Variants in RBPJ observed in about 807,000 individuals in gnomAD.
The protein encoded by RBPJ is recombination signal binding protein for immunoglobulin kappa J region.
RBPJ carries 9 observed loss-of-function variants against 67.8 expected under a neutral mutation model. The ratio of observed to expected loss-of-function variants is 0.13; its 90% CI spans 0.08 to 0.23. RBPJ has a LOEUF of 0.23. RBPJ is among the 10% of genes least tolerant of loss of function. The probability of loss-of-function intolerance (pLI) is 1.00; values close to 1 mark genes in which losing one functional copy is unlikely to be tolerated. For synonymous variants in RBPJ, 198 were observed against 203.3 expected, an observed-to-expected ratio of 0.97 and a Z score of 0.22; for missense variants, 305 against 595.6, an observed-to-expected ratio of 0.51 and a Z score of 5.08.
chr4:26,397,113 G>A (rs1047792538), intron 2 of RBPJ, among the ~76,000 whole-genome samples: 1 of 152,134 alleles, frequency 6.6e-6, no homozygotes, highest in Non-Finnish European at 1.5e-5. Context: ...TTTGCTTAAG[G>A]TTCTGAGTAG....
chr4:26,353,188 G>C (rs1437483073), intron 1 of RBPJ, among the ~76,000 whole-genome samples: 2 of 152,134 alleles, frequency 1.3e-5, no homozygotes, highest in Non-Finnish European at 2.9e-5. Flanking sequence ...ATTTCCAGTT[G>C]CTTCAAAACA....
rs918440234 is a variant in RBPJ at position 26,432,937 on chromosome 4, GTAAA to G, written c.*1933_*1936del. ...CACTCTATGCTCAGACTATGCCACT[GTAAA>G]TATTCTTCCTAACATCTTTAAATCG... On this transcript the variant is annotated 3_prime_UTR_variant, in exon 11 of 11. Transcript: ENST00000355476. 1.4e-4 allele frequency: 22 copies of G among 152,072 alleles called. No homozygotes were observed. Among genetic ancestry groups the G allele is most frequent in the African/African-American group, 5.3e-4 (22 of 41,390 alleles). The allele number at this position is 152,072 out of a possible 1,614,324, so 9.4% of individuals were successfully genotyped here. A position where few individuals can be genotyped will look rare whatever the true frequency, so the allele number is the denominator to read the frequency against.
chr4:26,193,540 C>T (rs1717645255), intron 1 of RBPJ, among the ~76,000 whole-genome samples: 1 of 151,812 alleles, frequency 6.6e-6, no homozygotes, highest in African/African-American at 2.4e-5. Flanking sequence ...GAACATTTTC[C>T]ACTGGGTTTG....
At chr4:26,144,267 CTTTTTTT>C in the RBPJ span, among the ~76,000 whole-genome samples, 1 of 106,064 alleles carries the variant, frequency 9.4e-6, no homozygotes, top group East Asian at 2.9e-4. Flanking sequence ...TAAGAAAATT[CTTTTTTT>C]TTTTTTTTTT....
chr4:26,400,506 CTT>C (rs34214375), intron 2 of RBPJ, among the ~76,000 whole-genome samples: 76,058 of 151,870 alleles, frequency 0.5, 20,136 homozygotes, highest in Admixed American at 0.62. Context: ...ATTTGACAGG[CTT>C]TTTACTATTT....
chr4:26,196,794 C>G (rs879259604), intron 1 of RBPJ, among the ~76,000 whole-genome samples: 61 of 152,242 alleles, frequency 4.0e-4, no homozygotes, highest in Non-Finnish European at 2.9e-4. Context: ...CCCTTCCTGA[C>G]TGTGTCCTGA....
chr4:26,182,160 G>A (rs1717023703), intron 1 of RBPJ, among the ~76,000 whole-genome samples: 1 of 152,134 alleles, frequency 6.6e-6, no homozygotes, highest in African/African-American at 2.4e-5. Context: ...GGTTAACACG[G>A]TGAAACCCCG....
intron 1 of RBPJ, among the ~76,000 whole-genome samples, chr4:26,339,451 T>C (rs1725261983): frequency 6.6e-6 from 1 of 151,936 alleles, no homozygotes; most frequent in African/African-American, 2.4e-5. Flanking sequence ...CTGGCCGACA[T>C]GGTGAAACCC....
intron 1 of RBPJ, among the ~76,000 whole-genome samples, chr4:26,208,500 T>G (rs1718248059): frequency 6.6e-6 from 1 of 152,194 alleles, no homozygotes; most frequent in South Asian, 2.1e-4. Flanking sequence ...ACAATAGTCT[T>G]TCTGTGCTAA....
intron 1 of RBPJ, among the ~76,000 whole-genome samples, chr4:26,297,557 G>A (rs1267299824): frequency 6.6e-6 from 1 of 152,068 alleles, no homozygotes; most frequent in Non-Finnish European, 1.5e-5. Flanking sequence ...AAGTAGCAGA[G>A]GGTAAAATAA....
chr4:26,109,491 T>TAC, the RBPJ span, among the ~76,000 whole-genome samples: 24 of 41,410 alleles, frequency 5.8e-4, 1 homozygote, highest in East Asian at 2.0e-3. Context: ...TATATATATA[T>TAC]ACACACACAC....
rs149846677 is a variant in RBPJ at position 26,420,653 on chromosome 4, G to A, written c.424G>A (p.Val142Met). 26 of 1,613,852 alleles carry A rather than the reference G, an allele frequency of 1.6e-5. No individual in the cohort carries two copies. The highest frequency in any genetic ancestry group is 2.7e-5 in the African/African-American group (2 of 74,912). The part of the protein sequence containing the change: ...MFYGNSDDIG[V>M]FLSKRIKVIS... ...CTATGGCAACAGTGATGACATTGGT[G>A]TGTTCCTCAGCAAGCGGATAAAAGT... The change falls in exon 5 of 11, where the codon GTG (valine) becomes ATG (methionine). Residue 142 changes from valine to methionine, a missense_variant. By Grantham distance (21) the Val-to-Met change is conservative. This residue lies in a region of RBPJ where 66 missense variants were observed against 226.0 expected (regional missense o/e 0.29). Coordinates refer to ENST00000355476, the MANE Select transcript of RBPJ (RefSeq NM_015874.6).
the RBPJ span, among the ~76,000 whole-genome samples, chr4:26,154,546 C>G: frequency 6.6e-6 from 1 of 152,182 alleles, no homozygotes; most frequent in Non-Finnish European, 1.5e-5. Flanking sequence ...TGATCTTATT[C>G]AGACCTGAAC....
intron 8 of RBPJ, 72 bp downstream of exon 8, chr4:26,428,932 A>T: frequency 3.4e-6 from 4 of 1,182,176 alleles, no homozygotes; most frequent in Non-Finnish European, 5.0e-6. Context: ...AAAATATGAA[A>T]TTTTCATTTG....
chr4:26,208,855 T>C (rs1179737043), intron 1 of RBPJ, among the ~76,000 whole-genome samples: 2 of 152,182 alleles, frequency 1.3e-5, no homozygotes, highest in Non-Finnish European at 2.9e-5. Context: ...AGCTCTGTCA[T>C]ATGACTTCAT....
intron 1 of RBPJ, among the ~76,000 whole-genome samples, chr4:26,244,584 A>G (rs1004613340): frequency 6.6e-6 from 1 of 152,030 alleles, no homozygotes; most frequent in Non-Finnish European, 1.5e-5. Flanking sequence ...CTATATTTTA[A>G]AATTATAATT....
At chr4:26,363,209 G>A (rs567290181) in intron 1 of RBPJ, among the ~76,000 whole-genome samples, 11 of 152,038 alleles carry the variant, frequency 7.2e-5, no homozygotes, top group Admixed American at 2.0e-4. Context: ...GCACTATCTC[G>A]GCTCAGTGCA....
chr4:26,259,175 A>G (rs954492406), intron 1 of RBPJ, among the ~76,000 whole-genome samples: 6 of 152,178 alleles, frequency 3.9e-5, no homozygotes, highest in African/African-American at 1.4e-4. Context: ...GTGGATGCCT[A>G]GTGATTTCCC....
intron 1 of RBPJ, chr4:26,272,765 G>T (rs1242235435): frequency 2.2e-6 from 1 of 446,560 alleles, no homozygotes; most frequent in South Asian, 1.6e-5. Context: ...CCATGAGGTA[G>T]GTCTAACACC....
Sources: gnomAD v4.1 joint callset for allele counts (sites outside exome capture counted in the v4.1 genomes callset) on GRCh38, gnomAD v4.1.1 for gene constraint, gnomAD v4.1.1 regional missense constraint, MANE v1.5 for transcripts, NCBI Gene and HGNC (gene_info 2026-07-23, HGNC 2026-07-21) for gene names.